Variants in TSPEAR observed in about 807,000 individuals in gnomAD.
TSPEAR encodes thrombospondin type laminin G domain and EAR repeats.
In TSPEAR, 69 loss-of-function variants were observed where a neutral mutation model predicts 71.6. The ratio of observed to expected loss-of-function variants is 0.96; its 90% confidence interval spans 0.79 to 1.18. The LOEUF is 1.18. TSPEAR is among the 50% of genes most tolerant of loss of function. The pLI is 0.00. For synonymous variants in TSPEAR, 402 were observed against 387.2 expected (o/e 1.04, Z -0.45); for missense variants, 971 against 894.9 (o/e 1.09, Z -1.09).
At chr21:44,705,434 C>T (rs913774198) in intron 1 of TSPEAR, among the ~76,000 whole-genome samples, 1 of 152,208 alleles carries the variant, frequency 6.6e-6, no homozygotes, top group Non-Finnish European at 1.5e-5. Context: ...CTCTAACCGC[C>T]GGTGAGCCAG....
rs1347707483 is a variant in TSPEAR, at chr21:44,529,812, A to T, written c.776T>A (p.Leu259Gln). The T allele has an allele frequency of 5.0e-6, 8 of 1,613,746 alleles. No individual in the cohort carries two copies. Among genetic ancestry groups the T allele is most frequent in the Non-Finnish European group, 6.8e-6 (8 of 1,179,964 alleles). Residue 259 changes from leucine to glutamine, a missense_variant, in exon 5 of 12, where the codon CTA (leucine) becomes CAA (glutamine). Leu to Gln is a moderately radical substitution (Grantham distance 113). Transcript: ENST00000323084. Reference sequence around the variant, plus strand: ...CCCCTACTAACCATAGGGATATTTTAGCACCTCGTTATCTTCTGGCTTCCC... The same window carrying T: ...CCCCTACTAACCATAGGGATATTTTTGCACCTCGTTATCTTCTGGCTTCCC... ...LTGKPEDNEV[L>Q]KYPYETNIRV... is the part of the protein sequence containing the mutation.
intron 1 of TSPEAR, among the ~76,000 whole-genome samples, chr21:44,706,452 TACACACCCACGTGC>T (rs1454107324): frequency 4.8e-5 from 7 of 144,894 alleles, no homozygotes; most frequent in South Asian, 2.2e-4. Flanking sequence ...CACCCACATG[TACACACCCACGTGC>T]ACACACCCAC....
intron 1 of TSPEAR, among the ~76,000 whole-genome samples, chr21:44,617,455 G>A (rs1351473219): frequency 6.6e-6 from 1 of 152,268 alleles, no homozygotes; most frequent in African/African-American, 2.4e-5. Context: ...GTCCAGGACA[G>A]CGTGGGGACA....
chr21:44,676,009 C>T (rs1986296355), intron 1 of TSPEAR: 1 of 838,494 alleles, frequency 1.2e-6, no homozygotes, highest in Admixed American at 1.7e-5. Flanking sequence ...CTCCCTTCAG[C>T]TGATTGACAA....
chr21:44,626,902 CCT>C (rs1982827185), intron 1 of TSPEAR, among the ~76,000 whole-genome samples: 1 of 152,102 alleles, frequency 6.6e-6, no homozygotes, highest in African/African-American at 2.4e-5. Flanking sequence ...AACTCCTGCC[CCT>C]GAGGTTCCAC....
In TSPEAR at chr21:44,642,059, T is replaced by A. The variant is rs1984049102; in HGVS notation, c.82+69374A>T. Among the ~76,000 whole-genome samples the A allele has an allele frequency of 1.3e-5, 2 of 152,096 alleles. No homozygotes were observed. Among genetic ancestry groups the A allele is most frequent in the African/African-American group, 2.4e-5 (1 of 41,412 alleles). On this transcript the variant is annotated intron_variant, in intron 1 of 11. Coordinates refer to ENST00000323084, the MANE Select transcript of TSPEAR (RefSeq NM_144991.3). The surrounding 1 kb of genome is among the most constrained non-coding windows in gnomAD (Gnocchi z 4.1). The stretch of plus-strand genomic sequence containing the variant: ...CAGACATGAAAGATGGAAAAAGAAG[T>A]ATGCTCACAGATTCAGAGATTTTCC...
chr21:44,675,720 T>C lies in TSPEAR; in HGVS notation c.82+35713A>G, dbSNP rs1601554356. On this transcript the variant is annotated intron_variant, in intron 1 of 11. Coordinates refer to ENST00000323084, the MANE Select transcript of TSPEAR (RefSeq NM_144991.3). ...CTGACATGATAGCAAGTGGAAAGAA[T>C]ATAAATGCAACAGGTGTTAACATTT... The C allele has an allele frequency of 1.3e-5, 5 of 384,248 alleles. 1 individual carries two copies. The highest frequency in any genetic ancestry group is 6.2e-5 in the African/African-American group (3 of 48,250). The allele number at this position is 384,248 out of a possible 1,614,324, so 23.8% of individuals were successfully genotyped here.
At chr21:44,607,135 T>G (rs1555929979) in intron 1 of TSPEAR, among the ~76,000 whole-genome samples, 1 of 152,204 alleles carries the variant, frequency 6.6e-6, no homozygotes, top group Non-Finnish European at 1.5e-5. Flanking sequence ...CAGACTGGAG[T>G]GCAGTGGCAC....
chr21:44,501,583 C>T (rs1352738016), intron 11 of TSPEAR, among the ~76,000 whole-genome samples: 19 of 151,958 alleles, frequency 1.3e-4, no homozygotes, highest in African/African-American at 3.6e-4. Context: ...GGCGACAAAG[C>T]GAGACTCCAT....
chr21:44,550,009 C>A (rs1172693311), intron 2 of TSPEAR, among the ~76,000 whole-genome samples: 2 of 152,268 alleles, frequency 1.3e-5, no homozygotes, highest in Admixed American at 1.3e-4. Flanking sequence ...CCGCCGTGTC[C>A]CACCTCCCAG....
rs188691394 is a variant in TSPEAR at position 44,593,813 on chromosome 21, G to C, written c.83-25808C>G. ...CTGTTTTTCTACAGTGGCTAAACACGCACTGGCCCCGCGATGAGGATGAGC... is the reference window on the plus strand; with the variant it reads ...CTGTTTTTCTACAGTGGCTAAACACCCACTGGCCCCGCGATGAGGATGAGC... On this transcript the variant is annotated intron_variant, in intron 1 of 11. Transcript: ENST00000323084. The surrounding 1 kb of genome is among the most constrained non-coding windows in gnomAD (Gnocchi z 5.9). Among the ~76,000 whole-genome samples, 1 of 152,278 alleles carries C rather than the reference G, an allele frequency of 6.6e-6. No individual in the cohort carries two copies. Among genetic ancestry groups the C allele is most frequent in the Non-Finnish European group, 1.5e-5 (1 of 68,018 alleles).
rs144781408 is a variant in TSPEAR, at chr21:44,539,589, G to A, written c.304-5666C>T. On this transcript the variant is annotated intron_variant, in intron 2 of 11. Coordinates refer to ENST00000323084, the MANE Select transcript of TSPEAR (RefSeq NM_144991.3). ...GGCTTGCAGCAGACAGGCTTGCAAC[G>A]GACGGGCACGCAGCAGGCCTGCTGG... 1,384 of 1,610,798 alleles carry A rather than the reference G, an allele frequency of 8.6e-4. 13 individuals carry two copies. In the African/African-American group the frequency reaches 0.015, roughly 18 times the overall value.
In TSPEAR at chr21:44,687,534, G is replaced by A. The variant is rs1229273794; in HGVS notation, c.82+23899C>T. On this transcript the variant is annotated intron_variant, in intron 1 of 11. Coordinates refer to ENST00000323084, the MANE Select transcript of TSPEAR (RefSeq NM_144991.3). This position sits in a 1 kb window ranked among gnomAD's most constrained non-coding sequence, Gnocchi z 4.4. ...CGGGGTGGGAGAGGCCGGCACCAGA[G>A]GACTTGCTGTATGACTCCATCTGAA... is the stretch of plus-strand genomic sequence containing the variant. 6.6e-6 allele frequency among the ~76,000 whole-genome samples: 1 copy of A among 152,196 alleles called. No homozygotes were observed. Among genetic ancestry groups the A allele is most frequent in the Non-Finnish European group, 1.5e-5 (1 of 68,042 alleles).
chr21:44,628,541 C>T lies in TSPEAR; in HGVS notation c.83-60536G>A, dbSNP rs587720702. On this transcript the variant is annotated intron_variant, in intron 1 of 11. Transcript: ENST00000323084. ...GGAAGCTCCTGTCCACCTCGTGGCA[C>T]GTTCTGCTGTCCGGCTCCCCTCCCA... 4.6e-5 allele frequency among the ~76,000 whole-genome samples: 7 copies of T among 152,128 alleles called. No homozygotes were observed. The South Asian group carries it at 6.2e-4, about 14-fold the overall frequency.
intron 1 of TSPEAR, chr21:44,637,636 A>C: frequency 6.2e-7 from 1 of 1,613,588 alleles, no homozygotes. Flanking sequence ...GCACAACCCC[A>C]TGCTACCAGC....
chr21:44,676,415 A>G, intron 1 of TSPEAR: 2 of 1,144,256 alleles, frequency 1.7e-6, no homozygotes, highest in South Asian at 1.3e-5. Context: ...CTGTACTTTA[A>G]TGCCTCCACT....
At position 44,653,631 on chromosome 21, in the gene TSPEAR, T is replaced by TG. The variant is rs782696586; in HGVS notation, c.82+57801dup. On this transcript the variant is annotated intron_variant, in intron 1 of 11. Coordinates refer to ENST00000323084, the MANE Select transcript of TSPEAR (RefSeq NM_144991.3). ...TTTTAATTTCTTGACAAGAGTGGGT[T>TG]GCACATACCAGCTAATAAGCAGATG... Among the ~76,000 whole-genome samples the TG allele has an allele frequency of 1.8e-3, 268 of 152,398 alleles. 1 individual carries two copies. The highest frequency in any genetic ancestry group is 2.9e-3 in the Non-Finnish European group (197 of 68,042).
intron 1 of TSPEAR, among the ~76,000 whole-genome samples, chr21:44,694,230 T>C (rs1296764227): frequency 2.6e-5 from 4 of 152,214 alleles, no homozygotes; most frequent in Non-Finnish European, 5.9e-5. Context: ...TATTTATCCA[T>C]AAAAATGAAA....
At chr21:44,649,541 G>A (rs9981621) in intron 1 of TSPEAR, among the ~76,000 whole-genome samples, 23,668 of 152,118 alleles carry the variant, frequency 0.16, 2,045 homozygotes, top group Non-Finnish European at 0.2. Context: ...TACCCAGGAC[G>A]TGCCCACACC....
Sources: gnomAD v4.1 joint callset for allele counts (sites outside exome capture counted in the v4.1 genomes callset) on GRCh38, gnomAD v4.1.1 for gene constraint, Gnocchi (gnomAD v3.1) non-coding constraint, MANE v1.5 for transcripts, NCBI Gene and HGNC (gene_info 2026-07-23, HGNC 2026-07-21) for gene names.